The following LRP2 variants were observed in gnomAD, a reference collection of about 807,000 sequenced individuals.
LRP2 encodes low-density lipoprotein receptor-related protein 2.
Under a neutral mutation model 531.0 loss-of-function variants are expected in LRP2, and 172 were observed. The ratio of observed to expected loss-of-function variants is 0.32; its 90% CI spans 0.29 to 0.37. The LOEUF is 0.37. LRP2 is among the 10% of genes least tolerant of loss of function. The pLI, the probability that LRP2 is intolerant of heterozygous loss-of-function variation, is 1.00. For synonymous variants in LRP2, 1,992 were observed against 2,027.6 expected, an observed-to-expected ratio of 0.98 and a Z score of 0.47; for missense variants, 5,167 against 5,868.3, an observed-to-expected ratio of 0.88 and a Z score of 3.90.
At chr2:169,272,219 T>A (rs752744102) in intron 15 of LRP2, among the ~76,000 whole-genome samples, 2 of 151,980 alleles carry the variant, frequency 1.3e-5, no homozygotes, top group African/African-American at 4.8e-5. Flanking sequence ...AAAACAAATA[T>A]TGTAGGAGTG....
chr2:169,321,015 G>A (rs970664758), intron 1 of LRP2, 131 bp from the exon 2 acceptor site: 7 of 693,850 alleles, frequency 1.0e-5, no homozygotes, highest in Non-Finnish European at 1.5e-5. Context: ...TAGAAAATTA[G>A]GTAAACATTC....
chr2:169,186,109 G>T, intron 49 of LRP2, 90 bp from the exon 50 acceptor site: 2 of 1,136,086 alleles, frequency 1.8e-6, no homozygotes, highest in Non-Finnish European at 2.6e-6. Context: ...ACTAAACAGT[G>T]CCAATTCTTA....
chr2:169,259,296 A>G, intron 16 of LRP2, 79 bp from the exon 17 acceptor site: 1 of 960,974 alleles, frequency 1.0e-6, no homozygotes, highest in East Asian at 2.5e-5. Context: ...GCACACTGAA[A>G]TTTTGTGTCA....
At chr2:169,225,941 G>A (rs1009221216) in intron 32 of LRP2, among the ~76,000 whole-genome samples, 3 of 152,162 alleles carry the variant, frequency 2.0e-5, no homozygotes, top group African/African-American at 7.2e-5. Context: ...ATATTCTAAA[G>A]GATTCTAAAG....
At chr2:169,247,277 C>A in intron 20 of LRP2, 101 bp downstream of exon 20, 3 of 1,254,466 alleles carry the variant, frequency 2.4e-6, no homozygotes, top group Admixed American at 2.1e-5. Context: ...CTACCAGGAG[C>A]TAGACCTTTA....
At chr2:169,222,293 C>T (rs7569236) in intron 33 of LRP2, among the ~76,000 whole-genome samples, 15,659 of 152,140 alleles carry the variant, frequency 0.1, 1,367 homozygotes, top group African/African-American at 0.24. Flanking sequence ...CAGGATACCT[C>T]AGTGTTATGA....
rs1688951897 is a variant in LRP2, at chr2:169,220,500, G to C, written c.5602C>G (p.Leu1868Val). Reference protein sequence around the residue: ...KTLIANDGTALGVGFPIGITV... With the variant: ...KTLIANDGTAVGVGFPIGITV... Reference sequence around the variant, plus strand: ...ATGCCAATTGGAAAGCCAACTCCAAGAGCTGTCCCATCATTGGCAATCAAT... The same window carrying C: ...ATGCCAATTGGAAAGCCAACTCCAACAGCTGTCCCATCATTGGCAATCAAT... Residue 1868 changes from leucine to valine, a missense_variant, in exon 34 of 79, where the codon CTT becomes GTT. Coordinates refer to ENST00000649046, the MANE Select transcript of LRP2 (RefSeq NM_004525.3). 3 of 1,613,622 alleles carry C rather than the reference G, an allele frequency of 1.9e-6. No homozygotes were observed. Among genetic ancestry groups the C allele is most frequent in the African/African-American group, 1.3e-5 (1 of 75,008 alleles).
At chr2:169,290,125 GA>G (rs557349060) in intron 8 of LRP2, among the ~76,000 whole-genome samples, 33 of 151,762 alleles carry the variant, frequency 2.2e-4, no homozygotes, top group Non-Finnish European at 2.8e-4. Context: ...CAAAAAAGGA[GA>G]AAAAAAATCC....
chr2:169,311,450 T>G (rs536666756), intron 3 of LRP2, among the ~76,000 whole-genome samples: 19 of 152,300 alleles, frequency 1.2e-4, no homozygotes, highest in East Asian at 9.6e-4. Context: ...CCTTCATTTC[T>G]TTATGTACCC....
In LRP2 at chr2:169,174,172, C is replaced by G. The variant is rs1687103730; in HGVS notation, c.10769-8G>C. 6.2e-7 allele frequency: 1 copy of G among 1,614,164 alleles called. No individual in the cohort carries two copies. Among genetic ancestry groups the G allele is most frequent in the South Asian group, 1.1e-5 (1 of 91,070 alleles). On this transcript the variant is annotated splice_region_variant and splice_polypyrimidine_tract_variant and intron_variant, in intron 55 of 78. Coordinates refer to ENST00000649046, the MANE Select transcript of LRP2 (RefSeq NM_004525.3). ...AGTCACAGTGGTGATTCTCTGAGAGCAGGGACATTTGGTTATCAGCTTGGA... is the reference window on the plus strand; with the variant it reads ...AGTCACAGTGGTGATTCTCTGAGAGGAGGGACATTTGGTTATCAGCTTGGA...
At position 169,284,256 on chromosome 2, in the gene LRP2, C is replaced by CTTTTT. The variant is rs1216987363; in HGVS notation, c.1043-1260_1043-1256dup. Among the ~76,000 whole-genome samples the CTTTTT allele has an allele frequency of 5.6e-4, 54 of 96,658 alleles. 6 individuals carry two copies. Among genetic ancestry groups the CTTTTT allele is most frequent in the African/African-American group, 1.0e-3 (23 of 22,688 alleles). The allele number at this position is 96,658 out of a possible 152,430, so 63.4% of individuals were successfully genotyped here. On this transcript the variant is annotated intron_variant, in intron 9 of 78. Coordinates refer to ENST00000649046, the MANE Select transcript of LRP2 (RefSeq NM_004525.3). ...CTTTTCTTTTCTTTTTCTTTTTTTT[C>CTTTTT]TTTTTTTTTTTTTTTTTTTTTTTTT...
In LRP2 at chr2:169,307,359, T is replaced by A. The variant is rs768168854; in HGVS notation, c.349A>T (p.Asn117Tyr). 2 of 1,613,716 alleles carry A rather than the reference T, an allele frequency of 1.2e-6. No homozygotes were observed. The highest frequency in any genetic ancestry group is 1.7e-6 in the Non-Finnish European group (2 of 1,179,728). Residue 117 changes from asparagine (N) to tyrosine (Y), a missense_variant, in exon 4 of 79, where the codon AAT (asparagine) becomes TAT (tyrosine). This residue lies in a region of LRP2 where 2,811 missense variants were observed against 3,058.0 expected (regional missense o/e 0.92). Coordinates refer to ENST00000649046, the MANE Select transcript of LRP2 (RefSeq NM_004525.3). ...TATTCACTTGGGATACACTGACCAT[T>A]GGAGCATGTTATCTGATGACTTGAG... is the stretch of plus-strand genomic sequence containing the variant. ...TCSSHQITCSNGQCIPSEYRC... is the reference protein window; with the variant it reads ...TCSSHQITCSYGQCIPSEYRC...
chr2:169,261,327 A>G (rs572299498), intron 16 of LRP2, among the ~76,000 whole-genome samples: 1 of 152,078 alleles, frequency 6.6e-6, no homozygotes, highest in Admixed American at 6.6e-5. Flanking sequence ...CTGACTTTTA[A>G]TATGATTTCT....
Position 169,185,993 on chromosome 2 carries a change from T to C in LRP2, c.9355A>G (p.Ile3119Val), listed in dbSNP as rs1306446810. The C allele has an allele frequency of 3.1e-6, 5 of 1,613,900 alleles. No individual in the cohort carries two copies. The highest frequency in any genetic ancestry group is 4.2e-6 in the Non-Finnish European group (5 of 1,179,958). ...GTGCAGTTGTGATCGCAGCCACTGA[T>C]TGAAGGGTCATGGCATTCATTAATG... ...CGINECHDPS[I>V]SGCDHNCTDT... The change falls in exon 50 of 79, where the codon ATC becomes GTC. Residue 3119 changes from isoleucine (I) to valine (V), a missense_variant. Coordinates refer to ENST00000649046, the MANE Select transcript of LRP2 (RefSeq NM_004525.3).
At position 169,247,440 on chromosome 2, in the gene LRP2, A is replaced by G. The variant is rs1690054925; in HGVS notation, c.2846T>C (p.Val949Ala). 1 of 1,614,046 alleles carries G rather than the reference A, an allele frequency of 6.2e-7. No individual in the cohort carries two copies. Among genetic ancestry groups the G allele is most frequent in the South Asian group, 1.1e-5 (1 of 91,080 alleles). ...VRKADGGEMT[V>A]IRSGIAYILH... ...TATGTAAGCAATGCCACTTCGGATA[A>G]CTGTCATTTCTCCACCATCTGCTTT... Residue 949 changes from valine to alanine, a missense_variant, in exon 20 of 79, where the codon GTT becomes GCT. This residue lies in a region of LRP2 where 2,811 missense variants were observed against 3,058.0 expected (regional missense o/e 0.92). Transcript: ENST00000649046.
rs779681734 is a variant in LRP2, at chr2:169,216,344, G to A, written c.5735C>T (p.Thr1912Ile). The change falls in exon 35 of 79, where the codon ACT becomes ATT. Residue 1912 changes from threonine (T) to isoleucine (I), a missense_variant. Transcript: ENST00000649046. ...SANMDGTSVK[T>I]LFTGNLEHLE... The stretch of plus-strand genomic sequence containing the variant: ...GTGTTCGAGGTTCCCAGTAAAGAGA[G>A]TTTTCACAGATGTGCCATCCATGTT... 6.2e-7 allele frequency: 1 copy of A among 1,613,624 alleles called. No homozygotes were observed. Among genetic ancestry groups the A allele is most frequent in the South Asian group, 1.1e-5 (1 of 91,082 alleles).
chr2:169,142,841 C>A (rs748193441), intron 70 of LRP2, 48 bp from the exon 71 acceptor site: 2 of 1,609,988 alleles, frequency 1.2e-6, no homozygotes, highest in East Asian at 2.2e-5. Flanking sequence ...GAATGAATAA[C>A]CTGAATACCC....
At chr2:169,356,227 C>T (rs1398660400) in intron 1 of LRP2, among the ~76,000 whole-genome samples, 1 of 152,028 alleles carries the variant, frequency 6.6e-6, no homozygotes, top group East Asian at 1.9e-4. Context: ...CCTTTTTTGC[C>T]TCAGACAGTT....
chr2:169,156,467 C>A, intron 64 of LRP2, 62 bp from the exon 65 acceptor site: 1 of 1,604,522 alleles, frequency 6.2e-7, no homozygotes, highest in African/African-American at 1.3e-5. Context: ...AGAGATCTTG[C>A]TTCTGTTTAA....
Sources: allele counts gnomAD v4.1 joint callset (sites outside exome capture counted in the v4.1 genomes callset), GRCh38; gene constraint gnomAD v4.1.1; regional missense constraint gnomAD v4.1.1; transcripts MANE v1.5; gene names NCBI Gene and HGNC (gene_info 2026-07-23, HGNC 2026-07-21).